BCKDHB: variants seen among roughly 807,000 people sequenced by gnomAD.
The protein encoded by BCKDHB is 2-oxoisovalerate dehydrogenase subunit beta, mitochondrial.
A neutral mutation model predicts 48.5 loss-of-function variants in BCKDHB; 41 were observed. That is an observed-to-expected ratio of 0.85 (90% CI 0.66 to 1.10). BCKDHB has a LOEUF of 1.10. BCKDHB is among the 50% of genes least tolerant of loss of function. The pLI is 0.00. For synonymous variants in BCKDHB, 201 were observed against 174.8 expected (o/e 1.15, Z -1.18); for missense variants, 496 against 494.2 (o/e 1.00, Z -0.03).
chr6:80,411,665 G>A, the BCKDHB span, among the ~76,000 whole-genome samples: 1 of 152,202 alleles, frequency 6.6e-6, no homozygotes, highest in African/African-American at 2.4e-5. Flanking sequence ...TCAAGTCTCA[G>A]AAATGGTGGA....
intron 3 of BCKDHB, among the ~76,000 whole-genome samples, chr6:80,139,068 T>C (rs1771046278): frequency 6.6e-6 from 1 of 152,202 alleles, no homozygotes; most frequent in South Asian, 2.1e-4. Context: ...GGTGAGCATT[T>C]TTTCATGTGG....
intron 8 of BCKDHB, among the ~76,000 whole-genome samples, chr6:80,212,113 C>T (rs1259246104): frequency 2.6e-5 from 4 of 152,144 alleles, no homozygotes; most frequent in African/African-American, 9.7e-5. Context: ...GGTCTATGTT[C>T]AGCAGTGCAC....
rs537680296 is a variant in BCKDHB at position 80,106,740 on chromosome 6, C to T, written c.47C>T (p.Ala16Val). 2 of 1,564,332 alleles carry T rather than the reference C, an allele frequency of 1.3e-6. No homozygotes were observed. Among genetic ancestry groups the T allele is most frequent in the African/African-American group, 1.4e-5 (1 of 73,668 alleles). The change falls in exon 1 of 10, where the codon GCG becomes GTG. Residue 16 changes from alanine to valine, a missense_variant. Ala to Val is a moderately conservative substitution (Grantham distance 64). Transcript: ENST00000320393. ...AAAGWLLRLR[A>V]AGAEGHWRRL... ...GCCGGCTGGCTACTCAGGCTCAGGGCGGCAGGGGCTGAGGGGCACTGGCGT... is the reference window on the plus strand; with the variant it reads ...GCCGGCTGGCTACTCAGGCTCAGGGTGGCAGGGGCTGAGGGGCACTGGCGT...
the BCKDHB span, among the ~76,000 whole-genome samples, chr6:80,411,713 A>C: frequency 6.6e-6 from 1 of 152,144 alleles, no homozygotes; most frequent in East Asian, 1.9e-4. Context: ...TCGCAGGTTG[A>C]TCTCAGACTG....
the BCKDHB span, among the ~76,000 whole-genome samples, chr6:80,433,603 G>C: frequency 6.6e-6 from 1 of 152,136 alleles, no homozygotes; most frequent in Non-Finnish European, 1.5e-5. Flanking sequence ...TGTGCTCTGT[G>C]GGGGTGGGAC....
At chr6:80,295,537 G>A (rs773351087) in intron 9 of BCKDHB, among the ~76,000 whole-genome samples, 1 of 150,050 alleles carries the variant, frequency 6.7e-6, no homozygotes, top group Non-Finnish European at 1.5e-5. Flanking sequence ...GGGAGCTACA[G>A]TTCAAGATGA....
intron 6 of BCKDHB, among the ~76,000 whole-genome samples, chr6:80,183,061 C>T (rs2127793838): frequency 6.6e-6 from 1 of 152,198 alleles, no homozygotes; most frequent in Admixed American, 6.5e-5. Context: ...GAAAACATCT[C>T]TGCTTGTATA....
chr6:80,241,471 T>G (rs1341711974), intron 8 of BCKDHB, among the ~76,000 whole-genome samples: 1 of 152,204 alleles, frequency 6.6e-6, no homozygotes, highest in Non-Finnish European at 1.5e-5. Context: ...TTGCTGCTGT[T>G]CCTTTGTGCT....
intron 3 of BCKDHB, among the ~76,000 whole-genome samples, chr6:80,143,444 A>T (rs1438787653): frequency 6.6e-6 from 1 of 152,164 alleles, no homozygotes; most frequent in East Asian, 1.9e-4. Context: ...GACTAGGAGG[A>T]GCCAATAAAA....
chr6:80,199,375 C>A (rs910949518), intron 6 of BCKDHB, among the ~76,000 whole-genome samples: 5 of 152,082 alleles, frequency 3.3e-5, no homozygotes, highest in Non-Finnish European at 5.9e-5. Flanking sequence ...TAATTTTATT[C>A]TTCTGTCCTT....
intron 9 of BCKDHB, among the ~76,000 whole-genome samples, chr6:80,328,720 A>G (rs987229398): frequency 3.3e-5 from 5 of 152,266 alleles, no homozygotes; most frequent in African/African-American, 1.2e-4. Context: ...AATTACCCCA[A>G]GTTGCTAGGT....
chr6:80,229,138 A>C (rs934013488), intron 8 of BCKDHB, among the ~76,000 whole-genome samples: 1 of 152,250 alleles, frequency 6.6e-6, no homozygotes, highest in Non-Finnish European at 1.5e-5. Context: ...TGGAGAACAA[A>C]GTAAACAGAG....
chr6:80,106,942 C>A, intron 1 of BCKDHB, 53 bp downstream of exon 1: 1 of 1,559,146 alleles, frequency 6.4e-7, no homozygotes, highest in Non-Finnish European at 8.7e-7. Context: ...CTCCCAGGCT[C>A]GCAGGCGCCC....
At chr6:80,428,741 G>T in the BCKDHB span, among the ~76,000 whole-genome samples, 1 of 151,866 alleles carries the variant, frequency 6.6e-6, no homozygotes. Context: ...TTGTAAATTT[G>T]TTTAAGTTCT....
chr6:80,395,287 C>G, the BCKDHB span, among the ~76,000 whole-genome samples: 1 of 152,130 alleles, frequency 6.6e-6, no homozygotes, highest in Non-Finnish European at 1.5e-5. Context: ...ACTTGCAGGG[C>G]TCAGAAGACA....
At chr6:80,170,669 C>G (rs1165357236) in intron 5 of BCKDHB, among the ~76,000 whole-genome samples, 1 of 152,166 alleles carries the variant, frequency 6.6e-6, no homozygotes, top group Non-Finnish European at 1.5e-5. Flanking sequence ...TATCATCTTC[C>G]TTGTCATCAC....
the BCKDHB span, among the ~76,000 whole-genome samples, chr6:80,405,644 T>TG: frequency 6.6e-6 from 1 of 152,028 alleles, no homozygotes; most frequent in Non-Finnish European, 1.5e-5. Flanking sequence ...AATAATTTTT[T>TG]GCAGTGCAGT....
At chr6:80,278,725 A>G (rs1004458809) in intron 9 of BCKDHB, among the ~76,000 whole-genome samples, 5 of 152,006 alleles carry the variant, frequency 3.3e-5, no homozygotes, top group Admixed American at 6.5e-5. Flanking sequence ...TGCCCAGCTA[A>G]TGTTTGTATT....
At position 80,139,515 on chromosome 6, in the gene BCKDHB, T is replaced by C. The variant is rs1258764032; in HGVS notation, c.343+10286T>C. ...AGGAAGGGATCCAGTTTCAGCTTTCTACATATGGCTAGCCAGTTTTCCCAG... is the reference window on the plus strand; with the variant it reads ...AGGAAGGGATCCAGTTTCAGCTTTCCACATATGGCTAGCCAGTTTTCCCAG... On this transcript the variant is annotated intron_variant, in intron 3 of 9. Transcript: ENST00000320393. Among the ~76,000 whole-genome samples, 3 of 150,458 alleles carry C rather than the reference T, an allele frequency of 2.0e-5. No homozygotes were observed. The East Asian group carries it at 5.8e-4, about 29-fold the overall frequency.
Sources: allele counts gnomAD v4.1 joint callset (sites outside exome capture counted in the v4.1 genomes callset), GRCh38; gene constraint gnomAD v4.1.1; transcripts MANE v1.5; gene names NCBI Gene and HGNC (gene_info 2026-07-23, HGNC 2026-07-21).